Variants in SDCCAG8 observed in about 807,000 individuals in gnomAD.
SDCCAG8 encodes serologically defined colon cancer antigen 8.
SDCCAG8 carries 74 observed loss-of-function variants against 101.8 expected under a neutral mutation model. The observed-to-expected ratio is 0.73, with a 90% CI of 0.60 to 0.88. The LOEUF (loss-of-function observed/expected upper bound fraction) is 0.88, where lower values mean the gene tolerates loss of function less well. SDCCAG8 is among the 40% of genes least tolerant of loss of function. The pLI is 0.00. For missense variants in SDCCAG8, 787 were observed against 822.6 expected, an observed-to-expected ratio of 0.96 and a Z score of 0.53; for synonymous variants, 281 against 292.9, an observed-to-expected ratio of 0.96 and a Z score of 0.41.
chr1:243,306,797 G>A (rs1229722418), intron 7 of SDCCAG8, among the ~76,000 whole-genome samples: 1 of 151,912 alleles, frequency 6.6e-6, no homozygotes, highest in African/African-American at 2.4e-5. Flanking sequence ...CCTCAACTTT[G>A]GAATGCCATT....
chr1:243,352,524 G>C (rs1182182460), intron 12 of SDCCAG8, among the ~76,000 whole-genome samples: 2 of 152,192 alleles, frequency 1.3e-5, no homozygotes, highest in African/African-American at 4.8e-5. Flanking sequence ...ACCAGGTAGT[G>C]ACAGTTCTTT....
At chr1:243,493,502 G>A (rs1365336235) in intron 17 of SDCCAG8, among the ~76,000 whole-genome samples, 1 of 152,092 alleles carries the variant, frequency 6.6e-6, no homozygotes, top group Non-Finnish European at 1.5e-5. Flanking sequence ...AATGAATACG[G>A]TTTTGGCTGA....
intron 13 of SDCCAG8, among the ~76,000 whole-genome samples, chr1:243,395,228 T>G (rs986073885): frequency 6.6e-6 from 1 of 152,200 alleles, no homozygotes; most frequent in Non-Finnish European, 1.5e-5. Flanking sequence ...TTCACGGTGA[T>G]TTAAGCAGCC....
chr1:243,344,160 G>C, intron 11 of SDCCAG8, 55 bp from the exon 12 acceptor site: 1 of 1,399,360 alleles, frequency 7.1e-7, no homozygotes, highest in Non-Finnish European at 1.0e-6. Flanking sequence ...TCTAATTGCA[G>C]GCATTGCCTG....
intron 12 of SDCCAG8, among the ~76,000 whole-genome samples, chr1:243,359,054 T>C (rs893346592): frequency 1.1e-4 from 16 of 152,188 alleles, no homozygotes; most frequent in African/African-American, 3.4e-4. Context: ...AACTATTTTA[T>C]TTCCTCAGTC....
chr1:243,340,525 G>A (rs982015813), intron 10 of SDCCAG8, among the ~76,000 whole-genome samples: 8 of 152,134 alleles, frequency 5.3e-5, no homozygotes, highest in Non-Finnish European at 1.2e-4. Flanking sequence ...GGGGCGGTTG[G>A]GGTTTTACCA....
intron 9 of SDCCAG8, chr1:243,318,598 T>C: frequency 1.0e-6 from 1 of 984,286 alleles, no homozygotes; most frequent in Non-Finnish European, 1.2e-6. Context: ...AGTTCATCCA[T>C]AACTCTTCCC....
At position 243,437,785 on chromosome 1, in the gene SDCCAG8, G is replaced by T. The variant is rs527960490; in HGVS notation, c.1985+11227G>T. 2.3e-3 allele frequency among the ~76,000 whole-genome samples: 346 copies of T among 152,232 alleles called. 1 individual carries two copies. Among genetic ancestry groups the T allele is most frequent in the Non-Finnish European group, 4.3e-3 (290 of 68,006 alleles). ...GATCTCCTGACCTCGTGATCCGCCCGCCTCGGCCTCCCAAAGTGCTGGGAT... is the reference window on the plus strand; with the variant it reads ...GATCTCCTGACCTCGTGATCCGCCCTCCTCGGCCTCCCAAAGTGCTGGGAT... On this transcript the variant is annotated intron_variant, in intron 16 of 17. Transcript: ENST00000366541.
chr1:243,481,324 T>C (rs1318730509), intron 16 of SDCCAG8, among the ~76,000 whole-genome samples: 1 of 152,180 alleles, frequency 6.6e-6, no homozygotes, highest in African/African-American at 2.4e-5. Context: ...GGCCTTGCTC[T>C]GTGGCCTTGG....
chr1:243,314,829 C>T (rs1455661652), intron 8 of SDCCAG8, among the ~76,000 whole-genome samples: 2 of 152,164 alleles, frequency 1.3e-5, no homozygotes, highest in African/African-American at 4.8e-5. Flanking sequence ...TGTGCCTCAG[C>T]CTCCCAAGTA....
chr1:243,430,197 G>A (rs1260844312), intron 16 of SDCCAG8, among the ~76,000 whole-genome samples: 1 of 152,160 alleles, frequency 6.6e-6, no homozygotes, highest in Non-Finnish European at 1.5e-5. Context: ...TCGGTAAGCA[G>A]TGGGATTAGA....
rs188295028 is a variant in SDCCAG8 at position 243,485,729 on chromosome 1, C to A, written c.1986-3285C>A. Among the ~76,000 whole-genome samples the A allele has an allele frequency of 5.7e-3, 851 of 150,254 alleles. 8 individuals carry two copies. Among genetic ancestry groups the A allele is most frequent in the African/African-American group, 0.02 (814 of 40,704 alleles). On this transcript the variant is annotated intron_variant, in intron 16 of 17. Transcript: ENST00000366541. Reference sequence around the variant, plus strand: ...GACAAGCCTGGCCAAGATGGTGAAACCCTGTCTCTACGAAAAATATAAAAA... The same window carrying A: ...GACAAGCCTGGCCAAGATGGTGAAAACCTGTCTCTACGAAAAATATAAAAA...
intron 16 of SDCCAG8, among the ~76,000 whole-genome samples, chr1:243,471,428 G>GGGT (rs1370432119): frequency 3.3e-5 from 5 of 152,112 alleles, no homozygotes; most frequent in Non-Finnish European, 5.9e-5. Flanking sequence ...TTACGCTCGT[G>GGGT]GGTTCTGTCT....
intron 12 of SDCCAG8, among the ~76,000 whole-genome samples, chr1:243,375,829 A>G (rs1035795568): frequency 7.9e-5 from 12 of 152,128 alleles, no homozygotes; most frequent in African/African-American, 2.7e-4. Flanking sequence ...ATTTCTGGCA[A>G]GAGATTTCTC....
At chr1:243,289,115 A>T (rs1160140558) in intron 5 of SDCCAG8, among the ~76,000 whole-genome samples, 1 of 152,098 alleles carries the variant, frequency 6.6e-6, no homozygotes, top group African/African-American at 2.4e-5. Context: ...TTTATTAAGT[A>T]GTATTAACTT....
chr1:243,283,944 A>G (rs1290071673), intron 4 of SDCCAG8, among the ~76,000 whole-genome samples: 2 of 151,966 alleles, frequency 1.3e-5, no homozygotes, highest in African/African-American at 2.4e-5. Flanking sequence ...GGGTTTCACT[A>G]TGTTGGTCAG....
intron 13 of SDCCAG8, among the ~76,000 whole-genome samples, chr1:243,383,714 A>G (rs1044725884): frequency 6.6e-6 from 1 of 152,130 alleles, no homozygotes; most frequent in East Asian, 1.9e-4. Flanking sequence ...CTCTGTTGCT[A>G]TACTCTGAAA....
At chr1:243,270,054 T>C in intron 1 of SDCCAG8, 51 bp from the exon 2 acceptor site, 1 of 1,613,882 alleles carries the variant, frequency 6.2e-7, no homozygotes, top group Non-Finnish European at 8.5e-7. Flanking sequence ...AAGTGTCCGT[T>C]TGGTCAACCA....
At chr1:243,384,909 C>A (rs1279511024) in intron 13 of SDCCAG8, among the ~76,000 whole-genome samples, 1 of 152,208 alleles carries the variant, frequency 6.6e-6, no homozygotes, top group African/African-American at 2.4e-5. Context: ...ATTATTCAAA[C>A]AACTTCTTCT....
Sources: allele counts gnomAD v4.1 joint callset (sites outside exome capture counted in the v4.1 genomes callset), GRCh38; gene constraint gnomAD v4.1.1; transcripts MANE v1.5; gene names NCBI Gene and HGNC (gene_info 2026-07-23, HGNC 2026-07-21).